Variants in NAAA observed in about 807,000 individuals in gnomAD.
The protein encoded by NAAA is N-acylethanolamine-hydrolyzing acid amidase.
NAAA carries 39 observed loss-of-function variants against 44.8 expected under a neutral mutation model. The ratio of observed to expected loss-of-function variants is 0.87; its 90% CI spans 0.67 to 1.14. The LOEUF is 1.14. NAAA is among the 50% of genes most tolerant of loss of function. The pLI, the probability that NAAA is intolerant of heterozygous loss-of-function variation, is 0.00. For missense variants in NAAA, 460 were observed against 467.8 expected, an observed-to-expected ratio of 0.98 and a Z score of 0.15; for synonymous variants, 178 against 191.3, an observed-to-expected ratio of 0.93 and a Z score of 0.58.
chr4:75,940,016 G>T lies in NAAA; in HGVS notation c.356C>A (p.Ala119Asp), dbSNP rs776080246. ...GGGCACTCACACGGAGGACTCGTAG[G>T]CCAGGTTGACCAGAAGGCAGTCCGC... is the stretch of plus-strand genomic sequence containing the variant. ...SLADCLLVNLAYESSVFCTSI... is the reference protein window; with the variant it reads ...SLADCLLVNLDYESSVFCTSI... The change falls in exon 2 of 11, where the codon GCC (alanine) becomes GAC (aspartate). Residue 119 changes from alanine to aspartate, a missense_variant. Ala to Asp is a moderately radical substitution (Grantham distance 126). Coordinates refer to ENST00000286733, the MANE Select transcript of NAAA (RefSeq NM_014435.4). 1.0e-4 allele frequency: 168 copies of T among 1,613,798 alleles called. No individual in the cohort carries two copies. Among genetic ancestry groups the T allele is most frequent in the Non-Finnish European group, 1.4e-4 (160 of 1,180,036 alleles).
intron 9 of NAAA, among the ~76,000 whole-genome samples, chr4:75,917,281 A>C (rs1725716402): frequency 6.6e-6 from 1 of 152,184 alleles, no homozygotes. Context: ...TGAGCCAACT[A>C]TAAGCCTGAA....
At position 75,940,963 on chromosome 4, in the gene NAAA, G is replaced by GCGGC; in HGVS notation, c.-18_-15dup. ...CGCGGTCCGCATGGCTCGGGCTCCA[G>GCGGC]CGGCCGCAACTTGGAGACCTGCAGC... is the stretch of plus-strand genomic sequence containing the variant. On this transcript the variant is annotated 5_prime_UTR_variant, in exon 1 of 11. Coordinates refer to ENST00000286733, the MANE Select transcript of NAAA (RefSeq NM_014435.4). The GCGGC allele has an allele frequency of 6.8e-7, 1 of 1,467,226 alleles. No individual in the cohort carries two copies. The allele number at this position is 1,467,226 out of a possible 1,614,324, so 90.9% of individuals were successfully genotyped here. A position where few individuals can be genotyped will look rare whatever the true frequency, so the allele number is the denominator to read the frequency against.
At chr4:75,918,163 C>T (rs1239666848) in intron 9 of NAAA, among the ~76,000 whole-genome samples, 2 of 152,082 alleles carry the variant, frequency 1.3e-5, no homozygotes, top group Non-Finnish European at 2.9e-5. Context: ...ATTTAAGATT[C>T]CCAGAGCTGG....
At chr4:75,930,979 C>A (rs531140919) in intron 4 of NAAA, among the ~76,000 whole-genome samples, 1 of 151,336 alleles carries the variant, frequency 6.6e-6, no homozygotes, top group Non-Finnish European at 1.5e-5. Flanking sequence ...GTACTAACCA[C>A]CCCACCTCCT....
downstream of NAAA, among the ~76,000 whole-genome samples, chr4:75,912,325 A>G (rs549201971): frequency 1.3e-5 from 2 of 151,892 alleles, no homozygotes; most frequent in South Asian, 2.1e-4. Flanking sequence ...GAGGCCAAGG[A>G]GGGCAGATCA....
chr4:75,939,479 G>C (rs1728032572), intron 2 of NAAA, among the ~76,000 whole-genome samples: 1 of 148,802 alleles, frequency 6.7e-6, no homozygotes, highest in Non-Finnish European at 1.5e-5. Context: ...GCAGTGGCGC[G>C]ATCGCGGCTC....
At chr4:75,937,102 TTTTG>T (rs1727795500) in intron 2 of NAAA, among the ~76,000 whole-genome samples, 2 of 152,322 alleles carry the variant, frequency 1.3e-5, no homozygotes, top group South Asian at 2.1e-4. Context: ...AAGTGTTACT[TTTTG>T]TTTGTTTGTT....
chr4:75,930,978 A>T (rs1578072733), intron 4 of NAAA, among the ~76,000 whole-genome samples: 2 of 148,654 alleles, frequency 1.3e-5, no homozygotes, highest in Non-Finnish European at 3.0e-5. Flanking sequence ...TGTACTAACC[A>T]CCCCACCTCC....
intron 9 of NAAA, chr4:75,917,826 C>T (rs1725774467): frequency 1.2e-5 from 5 of 408,604 alleles, no homozygotes; most frequent in Admixed American, 8.8e-5. Flanking sequence ...GAGTAAAATC[C>T]TAGGCTATAC....
At position 75,940,988 on chromosome 4, in the gene NAAA, C is replaced by A; in HGVS notation, c.-39G>T. The stretch of plus-strand genomic sequence containing the variant: ...GCGGCCGCAACTTGGAGACCTGCAG[C>A]CGCTGTCGGAGCCCGGGTAAGCCGT... On this transcript the variant is annotated 5_prime_UTR_variant, in exon 1 of 11. Transcript: ENST00000286733. The A allele has an allele frequency of 7.0e-7, 1 of 1,438,370 alleles. No homozygotes were observed. The highest frequency in any genetic ancestry group is 9.0e-7 in the Non-Finnish European group (1 of 1,106,230). 89.1% of individuals were successfully genotyped at this position (1,438,370 alleles called of 1,614,324 possible). A position where few individuals can be genotyped will look rare whatever the true frequency, so the allele number is the denominator to read the frequency against.
chr4:75,921,950 C>G (rs111981355), intron 5 of NAAA, among the ~76,000 whole-genome samples: 1 of 152,196 alleles, frequency 6.6e-6, no homozygotes, highest in African/African-American at 2.4e-5. Context: ...CATATGGGCT[C>G]CTTCCTAGAG....
At chr4:75,913,316 C>T (rs1300279481), downstream of NAAA, among the ~76,000 whole-genome samples, 1 of 151,804 alleles carries the variant, frequency 6.6e-6, no homozygotes, top group East Asian at 1.9e-4. Context: ...CTTTAAATAC[C>T]GAAGTTCCTC....
chr4:75,931,338 A>C (rs1194204494), intron 3 of NAAA, 34 bp from the exon 4 acceptor site: 2 of 1,513,362 alleles, frequency 1.3e-6, no homozygotes, highest in Non-Finnish European at 1.8e-6. Flanking sequence ...TCATTTCACC[A>C]TTCCAATCAA....
intron 4 of NAAA, 98 bp downstream of exon 4, chr4:75,931,116 T>A: frequency 1.1e-6 from 1 of 883,758 alleles, no homozygotes. Flanking sequence ...TGCCACATAG[T>A]GGGTGTTCTG....
chr4:75,910,907 G>T (rs141082379), downstream of NAAA, among the ~76,000 whole-genome samples: 26 of 152,330 alleles, frequency 1.7e-4, no homozygotes, highest in African/African-American at 6.3e-4. Context: ...CAAAAAAGGA[G>T]TCAGCAAAGG....
At chr4:75,937,019 C>T (rs1175544064) in intron 2 of NAAA, among the ~76,000 whole-genome samples, 1 of 152,100 alleles carries the variant, frequency 6.6e-6, no homozygotes, top group Non-Finnish European at 1.5e-5. Flanking sequence ...TGGTGGTTAG[C>T]TTTGTTTTTT....
chr4:75,926,814 G>T (rs542605059), intron 4 of NAAA, among the ~76,000 whole-genome samples: 11 of 152,174 alleles, frequency 7.2e-5, no homozygotes, highest in African/African-American at 2.4e-4. Flanking sequence ...AGATCAGCCT[G>T]GGGAAAATAG....
rs1281173742 is a variant in NAAA at position 75,914,315 on chromosome 4, G to T, written c.*60C>A. 2 of 982,562 alleles carry T rather than the reference G, an allele frequency of 2.0e-6. No individual in the cohort carries two copies. Among genetic ancestry groups the T allele is most frequent in the Non-Finnish European group, 2.4e-6 (2 of 828,156 alleles). 60.9% of individuals were successfully genotyped at this position (982,562 alleles called of 1,614,324 possible). On this transcript the variant is annotated 3_prime_UTR_variant, in exon 11 of 11. Coordinates refer to ENST00000286733, the MANE Select transcript of NAAA (RefSeq NM_014435.4). ...TATTTTTTAAGGTGCAGCTCTTCAAGAATTTCATTTTTTAAAAAATCATCT... is the reference window on the plus strand; with the variant it reads ...TATTTTTTAAGGTGCAGCTCTTCAATAATTTCATTTTTTAAAAAATCATCT...
rs913376107 is a variant in NAAA, at chr4:75,913,867, T to C, written c.*508A>G. 1.0e-6 allele frequency: 1 copy of C among 985,308 alleles called. No individual in the cohort carries two copies. The highest frequency in any genetic ancestry group is 1.2e-6 in the Non-Finnish European group (1 of 829,812). The allele number at this position is 985,308 out of a possible 1,614,324, so 61.0% of individuals were successfully genotyped here. On this transcript the variant is annotated 3_prime_UTR_variant, in exon 11 of 11. Transcript: ENST00000286733. ...GAGACTCCCATTACATGGAAACACA[T>C]GATCAAAGATCAGACTAACACACAT...
Sources: gnomAD v4.1 joint callset for allele counts (sites outside exome capture counted in the v4.1 genomes callset) on GRCh38, gnomAD v4.1.1 for gene constraint, MANE v1.5 for transcripts, NCBI Gene and HGNC (gene_info 2026-07-23, HGNC 2026-07-21) for gene names.